Variants in CDK12 observed in about 807,000 individuals in gnomAD.
The protein encoded by CDK12 is cyclin-dependent kinase 12.
In CDK12, 17 loss-of-function variants were observed where a neutral mutation model predicts 133.8. The ratio of observed to expected loss-of-function variants is 0.13; its 90% confidence interval spans 0.09 to 0.19. The LOEUF (loss-of-function observed/expected upper bound fraction) is 0.19. CDK12 is among the 10% of genes least tolerant of loss of function. The probability of loss-of-function intolerance (pLI) is 1.00; values close to 1 mark genes in which losing one functional copy is unlikely to be tolerated. For synonymous variants in CDK12, 694 were observed against 683.6 expected, an observed-to-expected ratio of 1.02 and a Z score of -0.24; for missense variants, 1,508 against 1,818.7, an observed-to-expected ratio of 0.83 and a Z score of 3.11.
At chr17:39,476,720 T>TTTTTCTTTTC (rs1567696840) in intron 2 of CDK12, among the ~76,000 whole-genome samples, 5 of 110,082 alleles carry the variant, frequency 4.5e-5, no homozygotes, top group African/African-American at 1.7e-4. Flanking sequence ...CCTTTTTTTT[T>TTTTTCTTTTC]TTTTTTTTTT....
At chr17:39,563,475 C>G (rs1294342814) in intron 3 of CDK12, among the ~76,000 whole-genome samples, 1 of 106,914 alleles carries the variant, frequency 9.4e-6, no homozygotes, top group Non-Finnish European at 1.9e-5. Context: ...CCCCCCCCCG[C>G]CCCCATATCT....
At chr17:39,507,603 T>C (rs528153828) in intron 6 of CDK12, among the ~76,000 whole-genome samples, 2 of 152,264 alleles carry the variant, frequency 1.3e-5, no homozygotes, top group Non-Finnish European at 2.9e-5. Context: ...CTAAATTCGT[T>C]TAATAAACAT....
chr17:39,562,843 A>G (rs1470540152), intron 3 of CDK12, among the ~76,000 whole-genome samples: 1 of 108,588 alleles, frequency 9.2e-6, no homozygotes, highest in Non-Finnish European at 1.9e-5. Flanking sequence ...TTCCTCTCTC[A>G]TTTTTTTCCT....
chr17:39,462,394 T>A lies in CDK12; in HGVS notation c.323T>A (p.Leu108Gln). The A allele has an allele frequency of 6.2e-7, 1 of 1,614,094 alleles. No homozygotes were observed. The highest frequency in any genetic ancestry group is 1.1e-5 in the South Asian group (1 of 91,086). Residue 108 changes from leucine to glutamine, a missense_variant, in exon 1 of 14, where the codon CTG becomes CAG. Transcript: ENST00000447079. The part of the protein sequence containing the change: ...ERRGSDRSDR[L>Q]HKHRHHQHRR... ...CGTGGATCAGATCGGAGCGACCGCC[T>A]GCACAAACATCGTCACCACCAGCAC...
chr17:39,531,973 C>T lies in CDK12; in HGVS notation c.*657C>T, dbSNP rs2054869189. The T allele has an allele frequency of 8.6e-6, 2 of 233,792 alleles. No homozygotes were observed. The highest frequency in any genetic ancestry group is 5.6e-5 in the Admixed American group (1 of 17,782). The allele number at this position is 233,792 out of a possible 1,614,324, so 14.5% of individuals were successfully genotyped here. ...AATTACTCATCCTTAAAGTTTACTCCACTTTGACAAAAGATACGCCCTTCT... is the reference window on the plus strand; with the variant it reads ...AATTACTCATCCTTAAAGTTTACTCTACTTTGACAAAAGATACGCCCTTCT... On this transcript the variant is annotated 3_prime_UTR_variant, in exon 14 of 14. Coordinates refer to ENST00000447079, the MANE Select transcript of CDK12 (RefSeq NM_016507.4).
chr17:39,494,773 C>CA, intron 5 of CDK12, 79 bp downstream of exon 5: 1 of 790,680 alleles, frequency 1.3e-6, no homozygotes, highest in Non-Finnish European at 1.9e-6. Flanking sequence ...TTCTTTCTTT[C>CA]TTTTTTTTTT....
At chr17:39,505,961 G>T (rs558718580) in intron 6 of CDK12, among the ~76,000 whole-genome samples, 1 of 152,152 alleles carries the variant, frequency 6.6e-6, no homozygotes, top group Non-Finnish European at 1.5e-5. Flanking sequence ...CTGGTAAAAG[G>T]TAGGATGTTA....
chr17:39,546,815 G>C (rs546292140), upstream of CDK12: 1 of 152,216 alleles, frequency 6.6e-6, no homozygotes, highest in South Asian at 2.1e-4. Flanking sequence ...TTTCTCTCTC[G>C]GAGTATTTTT....
At chr17:39,502,229 T>C (rs957360930) in intron 6 of CDK12, among the ~76,000 whole-genome samples, 6 of 152,020 alleles carry the variant, frequency 3.9e-5, no homozygotes, top group African/African-American at 1.4e-4. Context: ...CTCACCTTAC[T>C]GCAAGCTCTG....
At chr17:39,526,354 G>A (rs1232018742) in intron 13 of CDK12, 38 bp downstream of exon 13, 1 of 1,456,526 alleles carries the variant, frequency 6.9e-7, no homozygotes, top group Non-Finnish European at 9.3e-7. Context: ...GAGCTCAGGT[G>A]CTGTTGATAC....
chr17:39,540,890 G>C (rs1465463403), intron 1 of CDK12, among the ~76,000 whole-genome samples: 1 of 152,218 alleles, frequency 6.6e-6, no homozygotes, highest in Non-Finnish European at 1.5e-5. Context: ...CAGCAGATCA[G>C]AACAAGGCCT....
At chr17:39,527,650 C>T (rs969475863) in intron 13 of CDK12, among the ~76,000 whole-genome samples, 32 of 152,098 alleles carry the variant, frequency 2.1e-4, no homozygotes, top group African/African-American at 3.6e-4. Context: ...TGGGTTCAAG[C>T]GATTCTCCTG....
chr17:39,559,147 A>G (rs948254686), intron 3 of CDK12, among the ~76,000 whole-genome samples: 1 of 152,242 alleles, frequency 6.6e-6, no homozygotes, highest in Non-Finnish European at 1.5e-5. Context: ...TTAATAATCT[A>G]TCAAGGCTTT....
intron 3 of CDK12, among the ~76,000 whole-genome samples, chr17:39,563,150 G>A (rs2056442778): frequency 6.6e-6 from 1 of 151,868 alleles, no homozygotes; most frequent in Non-Finnish European, 1.5e-5. Context: ...GCATTCTACT[G>A]CGATCCAAAA....
Position 39,531,253 on chromosome 17 carries a change from A to C in CDK12, c.4410A>C (p.Lys1470Asn). The change falls in exon 14 of 14, where the codon AAA (lysine) becomes AAC (asparagine). Residue 1470 changes from lysine (K) to asparagine (N), a missense_variant. Physicochemically the swap from Lys to Asn is moderately conservative, Grantham distance 94. Transcript: ENST00000447079. ...CAACTCAGTCTTCTGCTTATGGAAA[A>C]CTCTATCGGGGGCCTACAAGAGTCC... is the stretch of plus-strand genomic sequence containing the variant. The part of the protein sequence containing the change: ...GGPTQSSAYG[K>N]LYRGPTRVPP... 6.7e-7 allele frequency: 1 copy of C among 1,498,182 alleles called. No individual in the cohort carries two copies. The highest frequency in any genetic ancestry group is 1.4e-5 in the South Asian group (1 of 70,494). 92.8% of individuals were successfully genotyped at this position (1,498,182 alleles called of 1,614,324 possible).
At chr17:39,476,672 C>A (rs1361497922) in intron 2 of CDK12, among the ~76,000 whole-genome samples, 2 of 131,320 alleles carry the variant, frequency 1.5e-5, no homozygotes, top group African/African-American at 5.6e-5. Context: ...CTTGGCCCCA[C>A]AAAGTGCAGA....
chr17:39,508,157 G>A (rs1248916081), intron 6 of CDK12, among the ~76,000 whole-genome samples: 1 of 152,126 alleles, frequency 6.6e-6, no homozygotes, highest in Non-Finnish European at 1.5e-5. Context: ...TTTCCTTTGA[G>A]TGTCATGTTG....
chr17:39,520,031 G>A lies in CDK12; in HGVS notation c.3039G>A (p.Gln1013=). The A allele has an allele frequency of 6.2e-7, 1 of 1,614,034 alleles. No individual in the cohort carries two copies. Among genetic ancestry groups the A allele is most frequent in the Non-Finnish European group, 8.5e-7 (1 of 1,179,996 alleles). The part of the protein sequence containing the change: ...LDPSKRCTAE[Q]TLQSDFLKDV... Reference sequence around the variant, plus strand: ...CTAGTAAGCGGTGCACAGCTGAACAGACCCTACAGAGCGACTTCCTTAAAG... The same window carrying A: ...CTAGTAAGCGGTGCACAGCTGAACAAACCCTACAGAGCGACTTCCTTAAAG... Residue 1013 remains glutamine, a synonymous_variant, in exon 11 of 14, where the codon CAG becomes CAA. Coordinates refer to ENST00000447079, the MANE Select transcript of CDK12 (RefSeq NM_016507.4).
downstream of CDK12, among the ~76,000 whole-genome samples, chr17:39,536,118 G>A (rs951306029): frequency 6.6e-6 from 1 of 152,184 alleles, no homozygotes; most frequent in Non-Finnish European, 1.5e-5. Context: ...GGGGGAGTAC[G>A]ACACCTGAAG....
Sources: allele counts gnomAD v4.1 joint callset (sites outside exome capture counted in the v4.1 genomes callset), GRCh38; gene constraint gnomAD v4.1.1; transcripts MANE v1.5; gene names NCBI Gene and HGNC (gene_info 2026-07-23, HGNC 2026-07-21).